MGAT4C: variants seen among roughly 807,000 people sequenced by gnomAD.
MGAT4C encodes the protein MGAT4 family member C.
A neutral mutation model predicts 40.1 loss-of-function variants in MGAT4C; 19 were observed. That is an observed-to-expected ratio of 0.47 (90% CI 0.33 to 0.70). The LOEUF is 0.70. Among genes scored for constraint, MGAT4C ranks in the 30% least tolerant of loss-of-function variants. The probability of loss-of-function intolerance (pLI) is 0.02; values close to 1 mark genes in which losing one functional copy is unlikely to be tolerated. For missense variants in MGAT4C, 491 were observed against 563.2 expected, an observed-to-expected ratio of 0.87 and a Z score of 1.30; for synonymous variants, 181 against 187.1, an observed-to-expected ratio of 0.97 and a Z score of 0.27.
At chr12:86,005,017 T>C (rs1004179606) in intron 2 of MGAT4C, among the ~76,000 whole-genome samples, 4 of 152,206 alleles carry the variant, frequency 2.6e-5, no homozygotes, top group African/African-American at 7.2e-5. Flanking sequence ...TCCAGTCGGA[T>C]CATGCCTCAT....
chr12:86,019,463 T>C (rs1889429729), intron 2 of MGAT4C, among the ~76,000 whole-genome samples: 1 of 152,138 alleles, frequency 6.6e-6, no homozygotes, highest in Admixed American at 6.6e-5. Flanking sequence ...ACAGAGTTTA[T>C]CAGAGAGATA....
rs578009951 is a variant in MGAT4C, at chr12:86,543,083, C to G, written c.-228-107818G>C. ...GTTTAAAGAAATTTTATTTTGTTTACTTAGGATTAGTCAATGAAATAACCA... is the reference window on the plus strand; with the variant it reads ...GTTTAAAGAAATTTTATTTTGTTTAGTTAGGATTAGTCAATGAAATAACCA... On this transcript the variant is annotated intron_variant, in intron 2 of 7. Coordinates refer to the MGAT4C transcript ENST00000548651. 9.2e-5 allele frequency among the ~76,000 whole-genome samples: 14 copies of G among 151,752 alleles called. 1 individual carries two copies. The East Asian group carries it at 2.5e-3, about 27-fold the overall frequency.
At chr12:86,490,882 A>T (rs1219538797) in intron 2 of MGAT4C, among the ~76,000 whole-genome samples, 1 of 152,192 alleles carries the variant, frequency 6.6e-6, no homozygotes, top group East Asian at 1.9e-4. Context: ...ATATATATGC[A>T]CTCAATACAG....
chr12:86,392,903 A>C (rs1455517216), intron 3 of MGAT4C, among the ~76,000 whole-genome samples: 1 of 152,172 alleles, frequency 6.6e-6, no homozygotes, highest in Non-Finnish European at 1.5e-5. Flanking sequence ...TATTAACAGA[A>C]TATGATACAT....
intron 4 of MGAT4C, among the ~76,000 whole-genome samples, chr12:86,264,153 T>A (rs1952727703): frequency 6.6e-6 from 1 of 152,190 alleles, no homozygotes. Context: ...CTCTGTTGAT[T>A]GTTTCTTTTG....
chr12:86,627,454 G>C (rs555169776), intron 2 of MGAT4C, among the ~76,000 whole-genome samples: 1 of 150,718 alleles, frequency 6.6e-6, no homozygotes, highest in South Asian at 2.1e-4. Context: ...CTAACTTGGA[G>C]ACACCTCCAA....
chr12:86,075,709 T>C (rs953642788), intron 1 of MGAT4C, among the ~76,000 whole-genome samples: 3 of 152,250 alleles, frequency 2.0e-5, no homozygotes, highest in African/African-American at 7.2e-5. Context: ...TCTTGACTTC[T>C]GTGCATCTGC....
chr12:86,456,483 G>C (rs1324906125), intron 2 of MGAT4C, among the ~76,000 whole-genome samples: 3 of 152,040 alleles, frequency 2.0e-5, no homozygotes, highest in Non-Finnish European at 4.4e-5. Context: ...AAATGATTCA[G>C]TTTATCTAAA....
intron 3 of MGAT4C, among the ~76,000 whole-genome samples, chr12:86,421,699 C>G (rs192596660): frequency 2.6e-5 from 4 of 152,286 alleles, no homozygotes; most frequent in African/African-American, 9.6e-5. Flanking sequence ...ATCGCTTAAA[C>G]CCAGGAGGCG....
chr12:86,558,124 A>C (rs1959696125), intron 2 of MGAT4C, among the ~76,000 whole-genome samples: 1 of 152,098 alleles, frequency 6.6e-6, no homozygotes, highest in Non-Finnish European at 1.5e-5. Flanking sequence ...ATCACAAAAA[A>C]ATTCTGAACT....
intron 1 of MGAT4C, among the ~76,000 whole-genome samples, chr12:86,242,249 G>A (rs1951820962): frequency 6.6e-6 from 1 of 152,110 alleles, no homozygotes; most frequent in African/African-American, 2.4e-5. Context: ...TAACTCCAGA[G>A]AACGCGTTAC....
At chr12:86,575,661 A>G (rs552712508) in intron 2 of MGAT4C, among the ~76,000 whole-genome samples, 88 of 152,012 alleles carry the variant, frequency 5.8e-4, no homozygotes, top group Non-Finnish European at 1.2e-3. Context: ...CAGTGCTACA[A>G]CAAACACAAG....
intron 2 of MGAT4C, among the ~76,000 whole-genome samples, chr12:86,694,052 G>T (rs933941069): frequency 5.3e-5 from 8 of 152,134 alleles, no homozygotes; most frequent in Non-Finnish European, 1.0e-4. Context: ...CTTTTAACAT[G>T]TAGCTTCTAA....
chr12:86,224,533 A>ACGTGTAGCATATGGT (rs1951005037), intron 1 of MGAT4C, among the ~76,000 whole-genome samples: 1 of 152,230 alleles, frequency 6.6e-6, no homozygotes, highest in Non-Finnish European at 1.5e-5. Context: ...CATTATTCAG[A>ACGTGTAGCATATGGT]GTAAACCATA....
At chr12:86,192,010 C>T (rs1270916767) in intron 1 of MGAT4C, among the ~76,000 whole-genome samples, 1 of 144,130 alleles carries the variant, frequency 6.9e-6, no homozygotes, top group Non-Finnish European at 1.5e-5. Flanking sequence ...AACCAAACAC[C>T]GCATGTTCTC....
At chr12:86,628,756 C>G (rs1324187782) in intron 2 of MGAT4C, among the ~76,000 whole-genome samples, 1 of 152,002 alleles carries the variant, frequency 6.6e-6, no homozygotes, top group African/African-American at 2.4e-5. Context: ...GCACTAAACA[C>G]GGAAAGGAAA....
At chr12:86,771,620 G>A (rs896839390) in intron 1 of MGAT4C, among the ~76,000 whole-genome samples, 2 of 152,056 alleles carry the variant, frequency 1.3e-5, no homozygotes, top group Non-Finnish European at 2.9e-5. Flanking sequence ...GCCAAGGTGG[G>A]AGGATTACTT....
chr12:86,346,939 C>T (rs1469322662), intron 3 of MGAT4C, among the ~76,000 whole-genome samples: 1 of 152,176 alleles, frequency 6.6e-6, no homozygotes, highest in Non-Finnish European at 1.5e-5. Context: ...TGGATGCTTC[C>T]TGCCCTTGAA....
At chr12:86,047,446 T>G (rs1303696769) in intron 2 of MGAT4C, among the ~76,000 whole-genome samples, 1 of 151,988 alleles carries the variant, frequency 6.6e-6, no homozygotes, top group African/African-American at 2.4e-5. Flanking sequence ...ACAAATACTA[T>G]GATAATAATA....
Sources: allele counts gnomAD v4.1 joint callset (sites outside exome capture counted in the v4.1 genomes callset), GRCh38; gene constraint gnomAD v4.1.1; transcripts MANE v1.5; gene names NCBI Gene and HGNC (gene_info 2026-07-23, HGNC 2026-07-21).